The following SP3 variants were observed in gnomAD, a reference collection of about 807,000 sequenced individuals.
SP3 encodes transcription factor Sp3.
A neutral mutation model predicts 70.3 loss-of-function variants in SP3; 10 were observed. The ratio of observed to expected loss-of-function variants is 0.14; its 90% confidence interval spans 0.09 to 0.24. SP3 has a LOEUF of 0.24. Among genes scored for constraint, SP3 ranks in the 10% least tolerant of loss-of-function variants. SP3 has a pLI of 1.00. For missense variants in SP3, 825 were observed against 914.6 expected, an observed-to-expected ratio of 0.90 and a Z score of 1.26; for synonymous variants, 402 against 333.5, an observed-to-expected ratio of 1.21 and a Z score of -2.24.
chr2:173,964,273 G>C, intron 2 of SP3, 132 bp downstream of exon 2: 1 of 516,094 alleles, frequency 1.9e-6, no homozygotes, highest in Non-Finnish European at 3.4e-6. Flanking sequence ...GCAGCTCCCG[G>C]GGCGGGGGGA....
At chr2:173,929,278 G>A (rs1353267034) in intron 4 of SP3, among the ~76,000 whole-genome samples, 1 of 152,164 alleles carries the variant, frequency 6.6e-6, no homozygotes, top group East Asian at 1.9e-4. Context: ...GAAGAATCAT[G>A]ACTCCCTAGT....
At position 173,909,146 on chromosome 2, in the gene SP3, T is replaced by C. The variant is rs1164973690; in HGVS notation, c.*795A>G. 1 of 152,580 alleles carries C rather than the reference T, an allele frequency of 6.6e-6. No homozygotes were observed. Among genetic ancestry groups the C allele is most frequent in the East Asian group, 1.9e-4 (1 of 5,202 alleles). The allele number at this position is 152,580 out of a possible 1,614,324, so 9.5% of individuals were successfully genotyped here. On this transcript the variant is annotated 3_prime_UTR_variant, in exon 7 of 7. Coordinates refer to ENST00000310015, the MANE Select transcript of SP3 (RefSeq NM_003111.5). Reference sequence around the variant, plus strand: ...ACACCTTATTTTTTTGGTCCTCCAATAGTCAAGAAAAGGGATAATTCACTA... The same window carrying C: ...ACACCTTATTTTTTTGGTCCTCCAACAGTCAAGAAAAGGGATAATTCACTA...
chr2:173,958,582 G>GA lies in SP3; in HGVS notation c.280-2351dup, dbSNP rs60433945. Among the ~76,000 whole-genome samples the GA allele has an allele frequency of 4.9e-4, 66 of 134,078 alleles. 1 individual carries two copies. The South Asian group carries it at 6.3e-3, about 13-fold the overall frequency. 88.0% of individuals were successfully genotyped at this position (134,078 alleles called of 152,430 possible). A position where few individuals can be genotyped will look rare whatever the true frequency, so the allele number is the denominator to read the frequency against. On this transcript the variant is annotated intron_variant, in intron 3 of 6. Coordinates refer to ENST00000310015, the MANE Select transcript of SP3 (RefSeq NM_003111.5). Reference sequence around the variant, plus strand: ...ATACCTGTGAAGCACAACGATGGGGGAAAAAAAAAAAAAGCAACAGGTAAT... The same window carrying GA: ...ATACCTGTGAAGCACAACGATGGGGGAAAAAAAAAAAAAAGCAACAGGTAAT...
intron 4 of SP3, among the ~76,000 whole-genome samples, chr2:173,950,451 A>G (rs994645013): frequency 5.3e-5 from 8 of 152,174 alleles, no homozygotes; most frequent in Non-Finnish European, 7.4e-5. Context: ...GGCCAAGGCA[A>G]AAGGACTGCT....
chr2:173,959,091 A>C (rs2105503363), intron 3 of SP3, among the ~76,000 whole-genome samples: 1 of 152,292 alleles, frequency 6.6e-6, no homozygotes, highest in African/African-American at 2.4e-5. Context: ...AATCATTGCA[A>C]ACACAATGAC....
At chr2:173,920,687 T>C (rs1689729237) in intron 4 of SP3, among the ~76,000 whole-genome samples, 1 of 152,084 alleles carries the variant, frequency 6.6e-6, no homozygotes, top group Admixed American at 6.6e-5. Flanking sequence ...GCCTCCCGGA[T>C]TCAAGTGATT....
chr2:173,918,377 G>C (rs1272810255), intron 5 of SP3, among the ~76,000 whole-genome samples: 1 of 151,946 alleles, frequency 6.6e-6, no homozygotes, highest in Non-Finnish European at 1.5e-5. Context: ...TACTATTTTT[G>C]AAACAGCAAA....
intron 4 of SP3, among the ~76,000 whole-genome samples, chr2:173,943,775 T>C (rs957020466): frequency 6.6e-5 from 10 of 152,276 alleles, no homozygotes; most frequent in African/African-American, 2.4e-4. Flanking sequence ...TAGTGTAATA[T>C]ACAACCATTT....
chr2:173,915,491 T>C (rs941289736), intron 5 of SP3: 1 of 152,180 alleles, frequency 6.6e-6, no homozygotes, highest in African/African-American at 2.4e-5. Context: ...GAAAAACTAA[T>C]AATTTTACGT....
intron 4 of SP3, among the ~76,000 whole-genome samples, chr2:173,939,764 C>CAAAAAAAAAAAAAAAAAAAAAAAAAAAAA (rs3045251): frequency 1.4e-4 from 10 of 70,200 alleles, no homozygotes; most frequent in African/African-American, 3.4e-4. Context: ...GACTCCAACT[C>CAAAAAAAAAAAAAAAAAAAAAAAAAAAAA]AAAAAAAAAA....
chr2:173,914,803 CAA>C (rs1157726493), intron 5 of SP3: 1 of 152,112 alleles, frequency 6.6e-6, no homozygotes, highest in African/African-American at 2.4e-5. Flanking sequence ...CTTGCAATGC[CAA>C]AGTCTTACTA....
rs34329180 is a variant in SP3 at position 173,901,695 on chromosome 2, CTTTTTTTTTTTT to C, written c.*8234_*8245del. ...GGGAAACAGTTAGTTGGACTTAAGC[CTTTTTTTTTTTT>C]TTTTTTTTTTTTGAGACGAAATCTT... On this transcript the variant is annotated 3_prime_UTR_variant, in exon 7 of 7. Transcript: ENST00000310015. 6.7e-5 allele frequency among the ~76,000 whole-genome samples: 5 copies of C among 74,958 alleles called. No individual in the cohort carries two copies. The highest frequency in any genetic ancestry group is 9.7e-5 in the Non-Finnish European group (4 of 41,262). The allele number at this position is 74,958 out of a possible 152,430, so 49.2% of individuals were successfully genotyped here.
chr2:173,922,029 G>A (rs942088617), intron 4 of SP3, among the ~76,000 whole-genome samples: 1 of 151,986 alleles, frequency 6.6e-6, no homozygotes, highest in South Asian at 2.1e-4. Flanking sequence ...CTATGCTTCC[G>A]GTACAGCCTG....
intron 6 of SP3, 87 bp from the exon 7 acceptor site, chr2:173,910,344 C>G: frequency 1.8e-6 from 2 of 1,115,578 alleles, no homozygotes; most frequent in South Asian, 1.4e-5. Flanking sequence ...AGTAAGTCAA[C>G]GCTGACAGGT....
chr2:173,919,914 C>T (rs1219747094), intron 4 of SP3, among the ~76,000 whole-genome samples: 3 of 152,116 alleles, frequency 2.0e-5, no homozygotes, highest in Non-Finnish European at 4.4e-5. Flanking sequence ...AAATTTACAG[C>T]AATGTTATTT....
rs887485569 is a variant in SP3 at position 173,929,494 on chromosome 2, T to TCA, written c.1640-10711_1640-10710dup. ...ATTAAAACAAGTTATCTACTTCCCT[T>TCA]CACACACACAATACACACTGACAGA... On this transcript the variant is annotated intron_variant, in intron 4 of 6. Transcript: ENST00000310015. 5.9e-5 allele frequency among the ~76,000 whole-genome samples: 9 copies of TCA among 152,240 alleles called. No homozygotes were observed. In the East Asian group the frequency reaches 1.7e-3, roughly 29 times the overall value.
chr2:173,904,579 T>C lies in SP3; in HGVS notation c.*5362A>G, dbSNP rs1343952311. On this transcript the variant is annotated 3_prime_UTR_variant, in exon 7 of 7. Transcript: ENST00000310015. ...TTTCTTCTGGGGTTGAATGTCATCT[T>C]TGCTTTCTCTGCCTCCCATGTATGT... Among the ~76,000 whole-genome samples the C allele has an allele frequency of 1.3e-5, 2 of 152,218 alleles. No individual in the cohort carries two copies. The highest frequency in any genetic ancestry group is 2.9e-5 in the Non-Finnish European group (2 of 68,036).
At chr2:173,961,968 A>T (rs1691102444) in intron 3 of SP3, among the ~76,000 whole-genome samples, 1 of 144,798 alleles carries the variant, frequency 6.9e-6, no homozygotes. Flanking sequence ...TTTAGGCAAA[A>T]CTATTTTCAT....
At chr2:173,965,606 T>G (rs1258636927), upstream of SP3, 6 of 206,414 alleles carry the variant, frequency 2.9e-5, no homozygotes, top group Non-Finnish European at 9.9e-6. Context: ...CGGCTGCCGC[T>G]GCCAGGCCCG....
Sources: allele counts gnomAD v4.1 joint callset (sites outside exome capture counted in the v4.1 genomes callset), GRCh38; gene constraint gnomAD v4.1.1; transcripts MANE v1.5; gene names NCBI Gene and HGNC (gene_info 2026-07-23, HGNC 2026-07-21).